Variants in ZNRF1 observed in about 807,000 individuals in gnomAD.
The protein encoded by ZNRF1 is zinc and ring finger 1, also known as E3 ubiquitin-protein ligase ZNRF1.
A neutral mutation model predicts 18.4 loss-of-function variants in ZNRF1; 3 were observed. The observed-to-expected ratio is 0.16, with a 90% CI of 0.07 to 0.42. The LOEUF is 0.42. Among genes scored for constraint, ZNRF1 ranks in the 10% least tolerant of loss-of-function variants. The pLI is 0.99. For synonymous variants in ZNRF1, 157 were observed against 144.2 expected (o/e 1.09, Z -0.64); for missense variants, 310 against 329.8 (o/e 0.94, Z 0.47).
chr16:74,999,598 C>A lies in ZNRF1; in HGVS notation c.-74C>A. The A allele has an allele frequency of 8.9e-7, 1 of 1,125,508 alleles. No homozygotes were observed. The highest frequency in any genetic ancestry group is 1.1e-6 in the Non-Finnish European group (1 of 873,064). 69.7% of individuals were successfully genotyped at this position (1,125,508 alleles called of 1,614,324 possible). A position where few individuals can be genotyped will look rare whatever the true frequency, so the allele number is the denominator to read the frequency against. On this transcript the variant is annotated 5_prime_UTR_variant, in exon 1 of 5. Transcript: ENST00000335325. ...TCCCTCCCCCTTTATGCTCGCCCAG[C>A]CCTCCCCCTGCTGCTGAGAAGTGGG...
intron 2 of ZNRF1, among the ~76,000 whole-genome samples, chr16:75,096,060 A>ATGTGTGTGTGTGTGTGTG (rs1567494278): frequency 1.2e-5 from 1 of 86,054 alleles, no homozygotes; most frequent in African/African-American, 5.8e-5. Context: ...GTATGTGTGC[A>ATGTGTGTGTGTGTGTGTG]CGTGTGTGTG....
chr16:75,084,387 G>A (rs1489752164), intron 1 of ZNRF1: 1 of 152,190 alleles, frequency 6.6e-6, no homozygotes, highest in African/African-American at 2.4e-5. Flanking sequence ...ACTGATAAGA[G>A]AAGACACTAA....
intron 1 of ZNRF1, among the ~76,000 whole-genome samples, chr16:75,029,330 A>T (rs976131792): frequency 6.6e-6 from 1 of 151,890 alleles, no homozygotes; most frequent in Non-Finnish European, 1.5e-5. Flanking sequence ...TTGTATTTTT[A>T]GTAGAGACGG....
chr16:75,050,001 A>T (rs1442777232), intron 1 of ZNRF1, among the ~76,000 whole-genome samples: 1 of 151,950 alleles, frequency 6.6e-6, no homozygotes, highest in African/African-American at 2.4e-5. Flanking sequence ...CCTCCTCCCC[A>T]TCCCTAATAC....
Position 75,108,818 on chromosome 16 carries a change from A to C in ZNRF1, c.*1118A>C, listed in dbSNP as rs969944583. The C allele has an allele frequency of 2.9e-6, 1 of 350,360 alleles. No homozygotes were observed. The allele number at this position is 350,360 out of a possible 1,614,324, so 21.7% of individuals were successfully genotyped here. A position where few individuals can be genotyped will look rare whatever the true frequency, so the allele number is the denominator to read the frequency against. On this transcript the variant is annotated 3_prime_UTR_variant, in exon 5 of 5. Coordinates refer to ENST00000335325, the MANE Select transcript of ZNRF1 (RefSeq NM_032268.5). Reference sequence around the variant, plus strand: ...CTCCTTAGCATTCCTTCAGGCTGCTACTCGGGGCTCCAGGTGTGTGAATTG... The same window carrying C: ...CTCCTTAGCATTCCTTCAGGCTGCTCCTCGGGGCTCCAGGTGTGTGAATTG...
intron 1 of ZNRF1, among the ~76,000 whole-genome samples, chr16:75,062,974 G>A (rs1173745090): frequency 1.3e-5 from 2 of 152,148 alleles, no homozygotes; most frequent in Admixed American, 1.3e-4. Context: ...GAAGAACACA[G>A]GGTTCTTCCA....
chr16:75,066,367 T>C (rs893907842), intron 1 of ZNRF1, among the ~76,000 whole-genome samples: 1 of 152,190 alleles, frequency 6.6e-6, no homozygotes. Context: ...GAAGACATGA[T>C]TATCTCATTT....
At chr16:75,016,788 A>G (rs1261231748) in intron 1 of ZNRF1, among the ~76,000 whole-genome samples, 1 of 132,678 alleles carries the variant, frequency 7.5e-6, no homozygotes, top group Non-Finnish European at 1.6e-5. Context: ...CAGGTGATTC[A>G]CCTGCCTCGG....
intron 1 of ZNRF1, among the ~76,000 whole-genome samples, chr16:75,014,589 T>G (rs1460656149): frequency 1.3e-5 from 2 of 152,238 alleles, no homozygotes; most frequent in African/African-American, 4.8e-5. Context: ...TTGAAAATTT[T>G]GTTTCATTAC....
At chr16:75,042,443 C>CTTT (rs56212046) in intron 1 of ZNRF1, among the ~76,000 whole-genome samples, 79 of 116,914 alleles carry the variant, frequency 6.8e-4, no homozygotes, top group African/African-American at 1.7e-3. Context: ...CTGTTTCTTT[C>CTTT]TTTTTTTTTT....
chr16:75,037,540 T>A (rs2035391360), intron 1 of ZNRF1, among the ~76,000 whole-genome samples: 2 of 152,080 alleles, frequency 1.3e-5, no homozygotes, highest in Admixed American at 1.3e-4. Flanking sequence ...GGTTTCACCA[T>A]GTTGACCACG....
intron 1 of ZNRF1, among the ~76,000 whole-genome samples, chr16:75,023,671 G>A (rs1279812760): frequency 5.3e-5 from 8 of 149,790 alleles, no homozygotes; most frequent in East Asian, 3.9e-4. Flanking sequence ...GTGAAAGAGC[G>A]AAACTCCATC....
In ZNRF1 at chr16:75,050,131, C is replaced by T. The variant is rs1395142120; in HGVS notation, c.425-43441C>T. 3.9e-5 allele frequency among the ~76,000 whole-genome samples: 6 copies of T among 152,142 alleles called. No homozygotes were observed. The South Asian group carries it at 1.2e-3, about 31-fold the overall frequency. On this transcript the variant is annotated intron_variant, in intron 1 of 4. Transcript: ENST00000335325. ...GCTTTCTTCACTTAGCATAATTCTCCAAACTCTTGTGTATTTCAATAGTCT... is the reference window on the plus strand; with the variant it reads ...GCTTTCTTCACTTAGCATAATTCTCTAAACTCTTGTGTATTTCAATAGTCT...
intron 1 of ZNRF1, among the ~76,000 whole-genome samples, chr16:75,075,296 C>T (rs1225980506): frequency 6.6e-6 from 1 of 152,232 alleles, no homozygotes; most frequent in Non-Finnish European, 1.5e-5. Flanking sequence ...CACTGCACAC[C>T]ACAGCATGGT....
chr16:75,005,846 T>G (rs1249892198), intron 1 of ZNRF1, among the ~76,000 whole-genome samples: 1 of 152,202 alleles, frequency 6.6e-6, no homozygotes, highest in Non-Finnish European at 1.5e-5. Flanking sequence ...ATGACAGGGA[T>G]ACTTTCTGAG....
chr16:75,038,292 C>T (rs2035399742), intron 1 of ZNRF1, among the ~76,000 whole-genome samples: 1 of 152,156 alleles, frequency 6.6e-6, no homozygotes, highest in Non-Finnish European at 1.5e-5. Flanking sequence ...TGGCTTCATT[C>T]ACACATCTGG....
chr16:75,036,861 T>G (rs1015641799), intron 1 of ZNRF1, among the ~76,000 whole-genome samples: 1 of 152,232 alleles, frequency 6.6e-6, no homozygotes, highest in African/African-American at 2.4e-5. Context: ...CATTTCTTTA[T>G]TATGTTTGCT....
At chr16:75,105,205 C>T (rs2036300646) in intron 3 of ZNRF1, 2 of 292,876 alleles carry the variant, frequency 6.8e-6, no homozygotes, top group East Asian at 1.8e-4. Context: ...GGTTGGTTCT[C>T]CGTCTGTCTC....
At chr16:75,019,707 T>C (rs2035119212) in intron 1 of ZNRF1, among the ~76,000 whole-genome samples, 1 of 152,082 alleles carries the variant, frequency 6.6e-6, no homozygotes, top group African/African-American at 2.4e-5. Flanking sequence ...TTTTGATTTT[T>C]GTTTTGTTCT....
Sources: allele counts gnomAD v4.1 joint callset (sites outside exome capture counted in the v4.1 genomes callset), GRCh38; gene constraint gnomAD v4.1.1; transcripts MANE v1.5; gene names NCBI Gene and HGNC (gene_info 2026-07-23, HGNC 2026-07-21).